The following SDK1 variants were observed in gnomAD, a reference collection of about 807,000 sequenced individuals.
SDK1 encodes the protein sidekick cell adhesion molecule 1, also known as protein sidekick-1.
A neutral mutation model predicts 245.5 loss-of-function variants in SDK1; 157 were observed. That is an observed-to-expected ratio of 0.64 (90% CI 0.56 to 0.73). The LOEUF is 0.73. SDK1 is among the 30% of genes least tolerant of loss of function. SDK1 has a pLI of 0.00. For synonymous variants in SDK1, 1,647 were observed against 1,278.5 expected (o/e 1.29, Z -6.15); for missense variants, 3,583 against 3,002.3 (o/e 1.19, Z -4.52).
intron 25 of SDK1, among the ~76,000 whole-genome samples, chr7:4,114,585 A>G (rs1388218266): frequency 6.6e-6 from 1 of 152,208 alleles, no homozygotes; most frequent in East Asian, 1.9e-4. Flanking sequence ...CCTATGGGGA[A>G]TCTTTAAAAT....
At position 3,713,978 on chromosome 7, in the gene SDK1, C is replaced by G. The variant is rs551136986; in HGVS notation, c.713+71873C>G. On this transcript the variant is annotated intron_variant, in intron 4 of 44. Coordinates refer to ENST00000404826, the MANE Select transcript of SDK1 (RefSeq NM_152744.4). The stretch of plus-strand genomic sequence containing the variant: ...AGAGAGAGCACCTCAGACCCTAATT[C>G]AAAGACTGTTTCATCTCAGCCCACA... Among the ~76,000 whole-genome samples the G allele has an allele frequency of 2.0e-5, 3 of 152,268 alleles. 1 individual carries two copies. Among genetic ancestry groups the G allele is most frequent in the African/African-American group, 7.2e-5 (3 of 41,556 alleles).
intron 1 of SDK1, among the ~76,000 whole-genome samples, chr7:3,545,373 T>A (rs772556137): frequency 1.3e-5 from 2 of 152,148 alleles, no homozygotes; most frequent in Non-Finnish European, 2.9e-5. Flanking sequence ...AAGATGATAT[T>A]GAAAATGTTC....
intron 1 of SDK1, among the ~76,000 whole-genome samples, chr7:3,511,783 GT>G (rs1323351815): frequency 7.3e-6 from 1 of 136,816 alleles, no homozygotes; most frequent in Admixed American, 7.7e-5. Context: ...GGCAGCCACT[GT>G]TTTTTTTGTT....
At chr7:3,662,041 A>ACT (rs1390408568) in intron 4 of SDK1, among the ~76,000 whole-genome samples, 2 of 125,776 alleles carry the variant, frequency 1.6e-5, no homozygotes, top group African/African-American at 6.3e-5. Flanking sequence ...CAACGGTTGT[A>ACT]TTTTTTTTTT....
intron 1 of SDK1, among the ~76,000 whole-genome samples, chr7:3,451,538 G>C (rs1780514586): frequency 6.6e-6 from 1 of 151,502 alleles, no homozygotes; most frequent in Non-Finnish European, 1.5e-5. Context: ...AATGACGTCA[G>C]TGTTATCAGC....
rs568801018 is a variant in SDK1, at chr7:3,852,114, G to A, written c.847+30531G>A. On this transcript the variant is annotated intron_variant, in intron 5 of 44. Coordinates refer to ENST00000404826, the MANE Select transcript of SDK1 (RefSeq NM_152744.4). ...TGTTGACAGTCAAATTAGAGGACCG[G>A]CCTCAGTGCCAGTTCTCAGCACCTC... 4.9e-4 allele frequency among the ~76,000 whole-genome samples: 75 copies of A among 152,074 alleles called. No homozygotes were observed. The South Asian group carries it at 0.015, about 31-fold the overall frequency.
chr7:3,305,028 C>A (rs377615442), intron 1 of SDK1, among the ~76,000 whole-genome samples: 46 of 152,192 alleles, frequency 3.0e-4, no homozygotes, highest in African/African-American at 1.1e-3. Context: ...TTCATGCCTT[C>A]CTGGGCTTAT....
intron 4 of SDK1, among the ~76,000 whole-genome samples, chr7:3,756,532 C>T (rs958687055): frequency 6.6e-6 from 1 of 151,942 alleles, no homozygotes; most frequent in African/African-American, 2.4e-5. Context: ...GCATGTGTGT[C>T]AATAGCATCA....
chr7:3,913,417 T>C (rs901208548), intron 5 of SDK1, among the ~76,000 whole-genome samples: 2 of 150,538 alleles, frequency 1.3e-5, no homozygotes, highest in South Asian at 2.1e-4. Flanking sequence ...CCTCAGCCGC[T>C]CGAGTAGCTG....
At chr7:4,115,720 A>G (rs942149879) in intron 25 of SDK1, among the ~76,000 whole-genome samples, 7 of 152,138 alleles carry the variant, frequency 4.6e-5, no homozygotes, top group Non-Finnish European at 8.8e-5. Flanking sequence ...AATGCCCCGG[A>G]TCTGCCCTCT....
At chr7:3,906,416 C>G (rs1241066210) in intron 5 of SDK1, among the ~76,000 whole-genome samples, 1 of 148,066 alleles carries the variant, frequency 6.8e-6, no homozygotes, top group Admixed American at 6.6e-5. Flanking sequence ...GAGAGAGAGA[C>G]AGAGAGCGCG....
intron 35 of SDK1, among the ~76,000 whole-genome samples, chr7:4,187,766 T>A (rs1422956294): frequency 6.6e-6 from 1 of 152,188 alleles, no homozygotes; most frequent in Non-Finnish European, 1.5e-5. Context: ...GGGAACGTTT[T>A]TATGGTGTGA....
intron 4 of SDK1, among the ~76,000 whole-genome samples, chr7:3,750,614 G>A (rs1217669408): frequency 3.9e-5 from 6 of 152,168 alleles, no homozygotes; most frequent in African/African-American, 9.7e-5. Context: ...GGGGGTCAGC[G>A]GATGGAAAAT....
rs577527617 is a variant in SDK1, at chr7:3,987,364, A to G, written c.2131+42A>G. ...AACTGTCACCATGGACGATAATCAG[A>G]TTTTTGTGTGTGCTCTTAATGTCCT... is the stretch of plus-strand genomic sequence containing the variant. On this transcript the variant is annotated intron_variant, in intron 14 of 44. Transcript: ENST00000404826. The G allele has an allele frequency of 4.3e-5, 69 of 1,604,848 alleles. 1 individual carries two copies. The South Asian group carries it at 7.2e-4, about 17-fold the overall frequency.
chr7:4,038,059 G>A (rs573280698), intron 17 of SDK1, among the ~76,000 whole-genome samples: 1 of 152,190 alleles, frequency 6.6e-6, no homozygotes, highest in Non-Finnish European at 1.5e-5. Flanking sequence ...AGGCTGCCCA[G>A]CTCACAGCTG....
intron 1 of SDK1, among the ~76,000 whole-genome samples, chr7:3,463,751 C>T (rs1465575329): frequency 6.6e-6 from 1 of 152,184 alleles, no homozygotes; most frequent in Non-Finnish European, 1.5e-5. Context: ...TCCTTGAATG[C>T]TGGTCTCTCC....
chr7:3,711,988 A>G (rs1259601023), intron 4 of SDK1, among the ~76,000 whole-genome samples: 1 of 152,198 alleles, frequency 6.6e-6, no homozygotes, highest in Non-Finnish European at 1.5e-5. Flanking sequence ...GCATCTACAC[A>G]GTAGGGTTGG....
intron 4 of SDK1, among the ~76,000 whole-genome samples, chr7:3,712,546 A>C (rs1172932049): frequency 6.6e-6 from 1 of 152,176 alleles, no homozygotes; most frequent in African/African-American, 2.4e-5. Context: ...TCTGTGGATA[A>C]ATTGTTTTTC....
intron 23 of SDK1, among the ~76,000 whole-genome samples, 188 bp from the exon 24 acceptor site, chr7:4,113,101 A>G (rs1450776656): frequency 6.6e-6 from 1 of 152,116 alleles, no homozygotes; most frequent in Middle Eastern, 3.4e-3. Flanking sequence ...GAGCCACCAC[A>G]CCTGGCCACA....
Sources: gnomAD v4.1 joint callset for allele counts (sites outside exome capture counted in the v4.1 genomes callset) on GRCh38, gnomAD v4.1.1 for gene constraint, MANE v1.5 for transcripts, NCBI Gene and HGNC (gene_info 2026-07-23, HGNC 2026-07-21) for gene names.